The following CSMD1 variants were observed in gnomAD, a reference collection of about 807,000 sequenced individuals.
CSMD1 encodes the protein CUB and sushi domain-containing protein 1.
A neutral mutation model predicts 417.5 loss-of-function variants in CSMD1; 213 were observed. That is an observed-to-expected ratio of 0.51 (90% CI 0.46 to 0.57). The LOEUF (loss-of-function observed/expected upper bound fraction) is 0.57. CSMD1 is among the 20% of genes least tolerant of loss of function. The pLI is 0.00. For missense variants in CSMD1, 6,923 were observed against 4,529.7 expected (o/e 1.53, Z -15.17); for synonymous variants, 2,862 against 1,736.8 (o/e 1.65, Z -16.11).
intron 5 of CSMD1, among the ~76,000 whole-genome samples, chr8:3,867,521 T>C (rs1805185343): frequency 6.6e-6 from 1 of 152,208 alleles, no homozygotes; most frequent in Non-Finnish European, 1.5e-5. Context: ...TATGTTTTAA[T>C]GTGTCCCAGA....
chr8:3,867,586 G>C (rs916389745), intron 5 of CSMD1, among the ~76,000 whole-genome samples: 1 of 152,072 alleles, frequency 6.6e-6, no homozygotes, highest in Non-Finnish European at 1.5e-5. Flanking sequence ...GTGGATATCT[G>C]AAACCTAAAC....
At chr8:4,305,902 C>A (rs933947895) in intron 3 of CSMD1, among the ~76,000 whole-genome samples, 5 of 152,166 alleles carry the variant, frequency 3.3e-5, no homozygotes, top group Admixed American at 2.0e-4. Context: ...TCTCAAGCAT[C>A]AGAATGTTTA....
At chr8:3,674,645 G>A (rs1218874216) in intron 7 of CSMD1, among the ~76,000 whole-genome samples, 7 of 152,068 alleles carry the variant, frequency 4.6e-5, no homozygotes, top group African/African-American at 1.7e-4. Flanking sequence ...TAATAAAACT[G>A]AGTCAAAAAG....
At chr8:3,934,440 T>A (rs1337514745) in intron 5 of CSMD1, among the ~76,000 whole-genome samples, 1 of 152,214 alleles carries the variant, frequency 6.6e-6, no homozygotes, top group Non-Finnish European at 1.5e-5. Flanking sequence ...TAAAAATTGT[T>A]CTCATAATTT....
At chr8:3,301,786 G>C (rs996501069) in intron 25 of CSMD1, among the ~76,000 whole-genome samples, 3 of 152,140 alleles carry the variant, frequency 2.0e-5, no homozygotes, top group South Asian at 2.1e-4. Context: ...GGGTATTTGA[G>C]AGATTGGAGA....
intron 42 of CSMD1, among the ~76,000 whole-genome samples, chr8:3,111,380 C>G (rs1816506495): frequency 6.6e-6 from 1 of 152,136 alleles, no homozygotes; most frequent in Non-Finnish European, 1.5e-5. Flanking sequence ...GTAGAGACTA[C>G]TTTAGAAGTT....
intron 49 of CSMD1, among the ~76,000 whole-genome samples, chr8:3,085,620 T>G (rs538421215): frequency 1.3e-5 from 2 of 152,346 alleles, no homozygotes; most frequent in African/African-American, 4.8e-5. Flanking sequence ...GCACTATTTG[T>G]ATTTCTGAAT....
At chr8:3,019,797 A>T (rs1809204345) in intron 51 of CSMD1, among the ~76,000 whole-genome samples, 1 of 152,238 alleles carries the variant, frequency 6.6e-6, no homozygotes, top group Admixed American at 6.5e-5. Flanking sequence ...TGCTCTTCAG[A>T]TTCAGAAACA....
chr8:4,489,828 G>C (rs1801610712), intron 2 of CSMD1, among the ~76,000 whole-genome samples: 1 of 152,148 alleles, frequency 6.6e-6, no homozygotes, highest in African/African-American at 2.4e-5. Context: ...GCTGCCACCT[G>C]ACTTGCAGCC....
chr8:4,372,648 A>G (rs953882919), intron 3 of CSMD1, among the ~76,000 whole-genome samples: 1 of 142,690 alleles, frequency 7.0e-6, no homozygotes, highest in African/African-American at 2.6e-5. Context: ...AAAAAAAAAA[A>G]TCACAAACAA....
At chr8:3,051,873 G>C (rs1811842923) in intron 50 of CSMD1, among the ~76,000 whole-genome samples, 1 of 152,144 alleles carries the variant, frequency 6.6e-6, no homozygotes, top group African/African-American at 2.4e-5. Context: ...TATTCCATAA[G>C]ACTAGAGTTT....
At chr8:3,580,802 T>A (rs577042045) in intron 9 of CSMD1, among the ~76,000 whole-genome samples, 1 of 152,312 alleles carries the variant, frequency 6.6e-6, no homozygotes, top group African/African-American at 2.4e-5. Context: ...AGAAGAGTCA[T>A]CTTTCGGGGT....
chr8:4,464,624 G>A (rs181157793), intron 2 of CSMD1, among the ~76,000 whole-genome samples: 109 of 152,276 alleles, frequency 7.2e-4, no homozygotes, highest in African/African-American at 2.3e-3. Flanking sequence ...TTGTAAAAGG[G>A]TAAGAGTCCC....
At chr8:4,003,414 AC>A (rs1282411827) in intron 4 of CSMD1, among the ~76,000 whole-genome samples, 4 of 133,746 alleles carry the variant, frequency 3.0e-5, no homozygotes, top group African/African-American at 8.1e-5. Flanking sequence ...AAACAAAAAA[AC>A]AAACAAATAA....
intron 3 of CSMD1, among the ~76,000 whole-genome samples, chr8:4,249,510 G>C (rs1164623482): frequency 2.6e-5 from 4 of 152,214 alleles, no homozygotes; most frequent in Non-Finnish European, 4.4e-5. Flanking sequence ...AGGATGTAGA[G>C]AGCTCCTCTA....
At chr8:4,368,740 G>C (rs1317982715) in intron 3 of CSMD1, among the ~76,000 whole-genome samples, 1 of 152,012 alleles carries the variant, frequency 6.6e-6, no homozygotes, top group African/African-American at 2.4e-5. Flanking sequence ...AGGTTTTCTA[G>C]TTTGTGTATA....
At position 3,796,023 on chromosome 8, in the gene CSMD1, G is replaced by A. The variant is rs1478394837; in HGVS notation, c.819-41981C>T. On this transcript the variant is annotated intron_variant, in intron 5 of 69. Transcript: ENST00000635120. ...TATCATGTATATAGATATATATCAT[G>A]TATAGATATAGATATATATCTATCA... Among the ~76,000 whole-genome samples, 2 of 58,598 alleles carry A rather than the reference G, an allele frequency of 3.4e-5. 1 individual carries two copies. Among genetic ancestry groups the A allele is most frequent in the East Asian group, 7.7e-4 (2 of 2,602 alleles). 38.4% of individuals were successfully genotyped at this position (58,598 alleles called of 152,430 possible).
chr8:3,842,650 C>G (rs1371763500), intron 5 of CSMD1, among the ~76,000 whole-genome samples: 1 of 151,852 alleles, frequency 6.6e-6, no homozygotes, highest in Non-Finnish European at 1.5e-5. Flanking sequence ...TTTTAGAACA[C>G]TCATAAATTA....
intron 3 of CSMD1, among the ~76,000 whole-genome samples, chr8:4,046,791 A>G (rs1798169994): frequency 6.6e-6 from 1 of 152,142 alleles, no homozygotes; most frequent in Admixed American, 6.5e-5. Context: ...CAGCCTGGGG[A>G]GCAAGTGAAC....
Sources: allele counts gnomAD v4.1 joint callset (sites outside exome capture counted in the v4.1 genomes callset), GRCh38; gene constraint gnomAD v4.1.1; transcripts MANE v1.5; gene names NCBI Gene and HGNC (gene_info 2026-07-23, HGNC 2026-07-21).